The following SOX5 variants were observed in gnomAD, a reference collection of about 807,000 sequenced individuals.
SOX5 encodes SRY-box transcription factor 5.
Under a neutral mutation model 92.0 loss-of-function variants are expected in SOX5, and 9 were observed. That is an observed-to-expected ratio of 0.10 (90% CI 0.06 to 0.17). The LOEUF (loss-of-function observed/expected upper bound fraction) is 0.17. Among genes scored for constraint, SOX5 ranks in the 10% least tolerant of loss-of-function variants. SOX5 has a pLI of 1.00. For synonymous variants in SOX5, 344 were observed against 336.3 expected (o/e 1.02, Z -0.25); for missense variants, 642 against 944.5 (o/e 0.68, Z 4.20).
chr12:24,328,644 C>T (rs1030418620), intron 2 of SOX5, among the ~76,000 whole-genome samples: 1 of 152,298 alleles, frequency 6.6e-6, no homozygotes, highest in African/African-American at 2.4e-5. Context: ...ATTATTTAAC[C>T]CTTTCACCCT....
At chr12:24,497,200 A>C (rs1449119495) in intron 1 of SOX5, among the ~76,000 whole-genome samples, 1 of 152,238 alleles carries the variant, frequency 6.6e-6, no homozygotes, top group Non-Finnish European at 1.5e-5. Context: ...CTAGATTGTT[A>C]CTGTTTACCA....
intron 10 of SOX5, among the ~76,000 whole-genome samples, chr12:23,572,375 T>C (rs1948504853): frequency 6.6e-6 from 1 of 152,070 alleles, no homozygotes; most frequent in African/African-American, 2.4e-5. Context: ...TCTGCATTTG[T>C]TGAAAAGAGA....
chr12:23,851,684 A>C (rs80070966), intron 2 of SOX5, among the ~76,000 whole-genome samples: 57,173 of 151,760 alleles, frequency 0.38, 11,208 homozygotes, highest in Non-Finnish European at 0.43. Context: ...ATGAAAAATA[A>C]GAGAGGTACT....
chr12:23,860,006 G>C (rs2096736980), intron 2 of SOX5, among the ~76,000 whole-genome samples: 1 of 152,170 alleles, frequency 6.6e-6, no homozygotes, highest in Non-Finnish European at 1.5e-5. Context: ...GAATATGAAT[G>C]AAACTGGAGG....
At chr12:23,745,389 T>C (rs2093947025) in intron 4 of SOX5, among the ~76,000 whole-genome samples, 1 of 152,168 alleles carries the variant, frequency 6.6e-6, no homozygotes, top group African/African-American at 2.4e-5. Context: ...ATTACTTTCC[T>C]AGATAACAAA....
chr12:23,730,532 T>A (rs1567290481), intron 6 of SOX5, among the ~76,000 whole-genome samples: 1 of 152,208 alleles, frequency 6.6e-6, no homozygotes, highest in African/African-American at 2.4e-5. Context: ...TAGAAAACAT[T>A]CTTAATCCTT....
At chr12:23,829,602 G>T (rs1482076072) in intron 3 of SOX5, among the ~76,000 whole-genome samples, 3 of 152,110 alleles carry the variant, frequency 2.0e-5, no homozygotes, top group Non-Finnish European at 4.4e-5. Flanking sequence ...TGAAAGTCTG[G>T]ATATGCTAGT....
At chr12:24,312,319 T>C (rs541131380) in intron 2 of SOX5, among the ~76,000 whole-genome samples, 3 of 152,194 alleles carry the variant, frequency 2.0e-5, no homozygotes, top group Non-Finnish European at 2.9e-5. Context: ...AGTTCAAAAC[T>C]CTTTTTTTGG....
At chr12:23,539,558 T>C (rs559298529) in intron 13 of SOX5, among the ~76,000 whole-genome samples, 53 of 150,692 alleles carry the variant, frequency 3.5e-4, no homozygotes, top group Non-Finnish European at 6.8e-4. Context: ...TTGAGGTCTT[T>C]CGGTGGAAAG....
At chr12:23,807,642 A>AT (rs34889293) in intron 3 of SOX5, among the ~76,000 whole-genome samples, 12,198 of 142,062 alleles carry the variant, frequency 0.086, 649 homozygotes, top group African/African-American at 0.14. Context: ...CAGAAATTCC[A>AT]TTTTTTTTTT....
chr12:23,998,562 T>C (rs1951260679), intron 4 of SOX5, among the ~76,000 whole-genome samples: 1 of 151,886 alleles, frequency 6.6e-6, no homozygotes, highest in African/African-American at 2.4e-5. Context: ...CCCAGCACTT[T>C]GGGAGGCTGA....
chr12:23,741,583 TA>T (rs771219906), intron 4 of SOX5, among the ~76,000 whole-genome samples: 2 of 150,922 alleles, frequency 1.3e-5, no homozygotes, highest in African/African-American at 2.4e-5. Flanking sequence ...CTCCCTTTCT[TA>T]AAAAAAAAGT....
intron 8 of SOX5, among the ~76,000 whole-genome samples, chr12:23,625,665 G>A (rs545202129): frequency 1.3e-4 from 20 of 152,136 alleles, no homozygotes; most frequent in African/African-American, 3.9e-4. Context: ...GCTGGTGTGC[G>A]GTGGCGTGAT....
chr12:23,681,994 T>C (rs1235052602), intron 6 of SOX5, among the ~76,000 whole-genome samples: 1 of 151,684 alleles, frequency 6.6e-6, no homozygotes, highest in Non-Finnish European at 1.5e-5. Flanking sequence ...AATGGAACAT[T>C]TTAGCACAAC....
chr12:23,962,701 G>T (rs1250067052), intron 4 of SOX5, among the ~76,000 whole-genome samples: 1 of 152,048 alleles, frequency 6.6e-6, no homozygotes, highest in African/African-American at 2.4e-5. Flanking sequence ...CTGCTATTTT[G>T]ATTGCATTTA....
intron 1 of SOX5, among the ~76,000 whole-genome samples, chr12:23,908,404 C>T (rs564412403): frequency 6.6e-6 from 1 of 151,930 alleles, no homozygotes; most frequent in African/African-American, 2.4e-5. Flanking sequence ...ATCCAAATAA[C>T]CCTGACAAGG....
At chr12:23,562,900 A>C (rs1162229882) in intron 11 of SOX5, among the ~76,000 whole-genome samples, 1 of 152,218 alleles carries the variant, frequency 6.6e-6, no homozygotes, top group Non-Finnish European at 1.5e-5. Context: ...TGATTAAAGA[A>C]GATTCAGCAT....
At chr12:23,758,597 G>C (rs1298464562) in intron 3 of SOX5, among the ~76,000 whole-genome samples, 1 of 151,946 alleles carries the variant, frequency 6.6e-6, no homozygotes, top group Non-Finnish European at 1.5e-5. Flanking sequence ...ATCATGACTT[G>C]CCCAATGTGG....
At chr12:24,123,298 G>T (rs946211030) in intron 4 of SOX5, among the ~76,000 whole-genome samples, 1 of 152,176 alleles carries the variant, frequency 6.6e-6, no homozygotes, top group African/African-American at 2.4e-5. Flanking sequence ...ATTCAAAATA[G>T]CAGGTAATAC....
Sources: gnomAD v4.1 joint callset for allele counts (sites outside exome capture counted in the v4.1 genomes callset) on GRCh38, gnomAD v4.1.1 for gene constraint, MANE v1.5 for transcripts, NCBI Gene and HGNC (gene_info 2026-07-23, HGNC 2026-07-21) for gene names.